The following RERG variants were observed in gnomAD, a reference collection of about 807,000 sequenced individuals.
The protein encoded by RERG is RAS like estrogen regulated growth inhibitor.
In RERG, 25 loss-of-function variants were observed where a neutral mutation model predicts 23.2. That is an observed-to-expected ratio of 1.08 (90% confidence interval 0.79 to 1.50). The LOEUF is 1.50. RERG is among the 40% of genes most tolerant of loss of function. RERG has a pLI of 0.00. For missense variants in RERG, 253 were observed against 250.1 expected, an observed-to-expected ratio of 1.01 and a Z score of -0.08; for synonymous variants, 81 against 89.1, an observed-to-expected ratio of 0.91 and a Z score of 0.51.
At chr12:15,195,735 T>C (rs1335051918) in intron 2 of RERG, among the ~76,000 whole-genome samples, 9 of 152,134 alleles carry the variant, frequency 5.9e-5, no homozygotes, top group Admixed American at 4.6e-4. Context: ...AACTGAGACA[T>C]GCAGATACCT....
At chr12:15,184,202 A>G (rs750501010) in intron 2 of RERG, among the ~76,000 whole-genome samples, 2 of 152,204 alleles carry the variant, frequency 1.3e-5, no homozygotes, top group Non-Finnish European at 2.9e-5. Context: ...TCAAACTTCT[A>G]TTTCTATTAT....
chr12:15,186,658 A>C (rs748533564), intron 2 of RERG, among the ~76,000 whole-genome samples: 4 of 152,162 alleles, frequency 2.6e-5, no homozygotes, highest in African/African-American at 4.8e-5. Flanking sequence ...CAAACAAAGA[A>C]AGATTTGGAG....
intron 2 of RERG, among the ~76,000 whole-genome samples, chr12:15,185,620 T>C (rs1864980660): frequency 6.6e-6 from 1 of 151,926 alleles, no homozygotes; most frequent in Non-Finnish European, 1.5e-5. Context: ...TGGGGGAAAA[T>C]AATTATTTTA....
chr12:15,184,643 A>G (rs1440322540), intron 2 of RERG, among the ~76,000 whole-genome samples: 1 of 152,192 alleles, frequency 6.6e-6, no homozygotes, highest in Non-Finnish European at 1.5e-5. Context: ...TGAATTTAAT[A>G]GCGTCCGATG....
At position 15,117,100 on chromosome 12, in the gene RERG, T is replaced by C. The variant is rs568588008; in HGVS notation, c.118+3963A>G. Among the ~76,000 whole-genome samples, 39 of 150,710 alleles carry C rather than the reference T, an allele frequency of 2.6e-4. 1 individual carries two copies. The highest frequency in any genetic ancestry group is 9.0e-4 in the African/African-American group (37 of 41,082). ...TATGTAGTCAAAGAGGAGTTGGTGC[T>C]CAAAGGGATATTGCATGTGGTTAAT... On this transcript the variant is annotated intron_variant, in intron 3 of 4. Transcript: ENST00000256953.
At chr12:15,139,788 A>G (rs1864204773) in intron 2 of RERG, among the ~76,000 whole-genome samples, 2 of 152,042 alleles carry the variant, frequency 1.3e-5, no homozygotes. Context: ...TTCCTTCCCA[A>G]TCTGCGTATC....
rs377195729 is a variant in RERG at position 15,156,994 on chromosome 12, C to A, written c.62-35875G>T. On this transcript the variant is annotated intron_variant, in intron 2 of 4. Coordinates refer to ENST00000256953, the MANE Select transcript of RERG (RefSeq NM_032918.3). The stretch of plus-strand genomic sequence containing the variant: ...GGCTCTGTTGTTAGAGGATCCATTG[C>A]CCCTCTTGCAAAATGGGAAAATGGA... 1.5e-3 allele frequency among the ~76,000 whole-genome samples: 227 copies of A among 152,294 alleles called. 6 individuals are homozygous for A. In the South Asian group the frequency reaches 0.045, roughly 30 times the overall value.
intron 2 of RERG, among the ~76,000 whole-genome samples, chr12:15,145,334 T>A (rs1053638420): frequency 6.6e-6 from 1 of 152,180 alleles, no homozygotes; most frequent in African/African-American, 2.4e-5. Flanking sequence ...GACAGAGCAA[T>A]CCCTGGTTAG....
chr12:15,201,567 TAATA>T (rs1321339271), intron 2 of RERG, among the ~76,000 whole-genome samples: 1 of 149,440 alleles, frequency 6.7e-6, no homozygotes, highest in African/African-American at 2.4e-5. Flanking sequence ...TAATTAATAA[TAATA>T]ATTAGCTAAT....
At chr12:15,183,497 A>G (rs987560947) in intron 2 of RERG, among the ~76,000 whole-genome samples, 8 of 152,270 alleles carry the variant, frequency 5.3e-5, no homozygotes, top group Admixed American at 3.9e-4. Flanking sequence ...CTCAATTTTT[A>G]GTGAAAGAAA....
intron 2 of RERG, among the ~76,000 whole-genome samples, chr12:15,122,416 A>C (rs935590951): frequency 6.6e-6 from 1 of 152,206 alleles, no homozygotes; most frequent in African/African-American, 2.4e-5. Context: ...GGGAGATGGC[A>C]GTGTAAATTG....
At chr12:15,199,253 T>C (rs1019603642) in intron 2 of RERG, among the ~76,000 whole-genome samples, 1 of 152,174 alleles carries the variant, frequency 6.6e-6, no homozygotes, top group Non-Finnish European at 1.5e-5. Flanking sequence ...TCTTTTTCAA[T>C]GTAAATGTTC....
At chr12:15,127,471 C>T (rs1281083117) in intron 2 of RERG, among the ~76,000 whole-genome samples, 1 of 152,134 alleles carries the variant, frequency 6.6e-6, no homozygotes, top group Non-Finnish European at 1.5e-5. Flanking sequence ...CCAGTCTGGT[C>T]AATCTATATT....
chr12:15,185,131 T>C (rs1460248528), intron 2 of RERG, among the ~76,000 whole-genome samples: 1 of 152,148 alleles, frequency 6.6e-6, no homozygotes, highest in Non-Finnish European at 1.5e-5. Context: ...CTCATTCCCC[T>C]GAAATATTTA....
Position 15,123,469 on chromosome 12 carries a change from TTATA to T in RERG, c.62-2354_62-2351del, listed in dbSNP as rs1332380110. ...ATGAATGCTCAAAAACTCAAAAAAG[TTATA>T]TATATTATTATATAAATATATATAT... is the stretch of plus-strand genomic sequence containing the variant. On this transcript the variant is annotated intron_variant, in intron 2 of 4. Coordinates refer to ENST00000256953, the MANE Select transcript of RERG (RefSeq NM_032918.3). Among the ~76,000 whole-genome samples the T allele has an allele frequency of 2.0e-5, 3 of 148,250 alleles. No homozygotes were observed. The Admixed American group carries it at 2.0e-4, about 10-fold the overall frequency.
At chr12:15,152,297 T>A (rs1372653060) in intron 2 of RERG, among the ~76,000 whole-genome samples, 5 of 152,116 alleles carry the variant, frequency 3.3e-5, no homozygotes, top group African/African-American at 9.7e-5. Context: ...TCCTACTGAC[T>A]TGGAATGCTT....
chr12:15,130,025 A>T (rs1173187518), intron 2 of RERG, among the ~76,000 whole-genome samples: 1 of 152,230 alleles, frequency 6.6e-6, no homozygotes, highest in East Asian at 1.9e-4. Context: ...CAAATTAAAA[A>T]TGATGTTGGA....
At chr12:15,214,838 C>G (rs1865418764) in intron 2 of RERG, among the ~76,000 whole-genome samples, 1 of 151,992 alleles carries the variant, frequency 6.6e-6, no homozygotes, top group African/African-American at 2.4e-5. Flanking sequence ...CAGAGGGAGA[C>G]CCAGTGTCTT....
chr12:15,142,738 C>G (rs930280541), intron 2 of RERG, among the ~76,000 whole-genome samples: 3 of 152,018 alleles, frequency 2.0e-5, no homozygotes, highest in African/African-American at 7.3e-5. Flanking sequence ...AAATGTAACA[C>G]CAGTCTCCCT....
Sources: gnomAD v4.1 joint callset for allele counts (sites outside exome capture counted in the v4.1 genomes callset) on GRCh38, gnomAD v4.1.1 for gene constraint, MANE v1.5 for transcripts, NCBI Gene and HGNC (gene_info 2026-07-23, HGNC 2026-07-21) for gene names.